The following SUGCT variants were observed in gnomAD, a reference collection of about 807,000 sequenced individuals.
The protein encoded by SUGCT is succinyl-CoA:glutarate-CoA transferase.
Under a neutral mutation model 55.0 loss-of-function variants are expected in SUGCT, and 41 were observed. The ratio of observed to expected loss-of-function variants is 0.74; its 90% CI spans 0.58 to 0.97. The LOEUF (loss-of-function observed/expected upper bound fraction) is 0.97. Among genes scored for constraint, SUGCT ranks in the 50% least tolerant of loss-of-function variants. SUGCT has a pLI of 0.00. For missense variants in SUGCT, 568 were observed against 547.8 expected (o/e 1.04, Z -0.37); for synonymous variants, 187 against 200.4 (o/e 0.93, Z 0.56).
chr7:40,975,970 G>A, the SUGCT span, among the ~76,000 whole-genome samples: 426 of 152,216 alleles, frequency 2.8e-3, 2 homozygotes, highest in African/African-American at 1.0e-2. Flanking sequence ...CCATGACCAC[G>A]TCTGTGTCAT....
chr7:40,218,173 A>G (rs1353278289), intron 6 of SUGCT, among the ~76,000 whole-genome samples: 4 of 152,218 alleles, frequency 2.6e-5, no homozygotes, highest in African/African-American at 7.2e-5. Flanking sequence ...ACACTGTGCC[A>G]CAGTGCTCCA....
At chr7:40,667,729 A>T (rs963552714) in intron 12 of SUGCT, among the ~76,000 whole-genome samples, 1 of 152,032 alleles carries the variant, frequency 6.6e-6, no homozygotes. Flanking sequence ...TTTAGTTTGT[A>T]TGCACAGAGA....
chr7:40,701,673 T>C (rs1785177322), intron 12 of SUGCT, among the ~76,000 whole-genome samples: 1 of 152,226 alleles, frequency 6.6e-6, no homozygotes, highest in African/African-American at 2.4e-5. Flanking sequence ...CTACCAAATT[T>C]TGTTTAATTA....
At chr7:40,883,395 T>C in the SUGCT span, among the ~76,000 whole-genome samples, 1 of 152,172 alleles carries the variant, frequency 6.6e-6, no homozygotes, top group African/African-American at 2.4e-5. Context: ...CGAGTTTCTT[T>C]TATTTGATCC....
chr7:40,387,083 G>A (rs917368130), intron 9 of SUGCT, among the ~76,000 whole-genome samples: 13 of 152,196 alleles, frequency 8.5e-5, no homozygotes, highest in Admixed American at 7.2e-4. Context: ...TGGTGAGGAA[G>A]CATGCAAGAC....
At chr7:40,724,340 C>T (rs1334427492) in intron 12 of SUGCT, among the ~76,000 whole-genome samples, 1 of 152,126 alleles carries the variant, frequency 6.6e-6, no homozygotes, top group Non-Finnish European at 1.5e-5. Flanking sequence ...CCAAGGCGGG[C>T]AGATGACAAG....
chr7:40,822,399 A>G (rs1439763215), intron 13 of SUGCT, among the ~76,000 whole-genome samples: 1 of 152,110 alleles, frequency 6.6e-6, no homozygotes, highest in African/African-American at 2.4e-5. Flanking sequence ...GTGGGAGTCT[A>G]AGTCTCTTTG....
chr7:40,595,644 A>C (rs964030965), intron 12 of SUGCT, among the ~76,000 whole-genome samples: 28 of 108,512 alleles, frequency 2.6e-4, no homozygotes, highest in African/African-American at 5.2e-4. Flanking sequence ...TCATGCCACA[A>C]AAAAAAAAAA....
In SUGCT at chr7:40,276,815, G is replaced by GTC. The variant is rs1201409894; in HGVS notation, c.720+2160_720+2161insCT. Among the ~76,000 whole-genome samples the GTC allele has an allele frequency of 4.3e-4, 61 of 142,538 alleles. No individual in the cohort carries two copies. The East Asian group carries it at 0.01, about 24-fold the overall frequency. 93.5% of individuals were successfully genotyped at this position (142,538 alleles called of 152,430 possible). A position where few individuals can be genotyped will look rare whatever the true frequency, so the allele number is the denominator to read the frequency against. On this transcript the variant is annotated intron_variant, in intron 8 of 13. Coordinates refer to ENST00000335693, the MANE Select transcript of SUGCT (RefSeq NM_001193313.2). ...TGTGCATGTGTGTGTGTGTGTGTGT[G>GTC]TGTGTCTGTCTGTCTGTCTGTGTCT...
chr7:40,920,198 G>A, the SUGCT span, among the ~76,000 whole-genome samples: 3 of 151,926 alleles, frequency 2.0e-5, no homozygotes, highest in Admixed American at 6.6e-5. Context: ...CTAGCTCACT[G>A]GTTAGATTGT....
chr7:40,898,150 C>A, the SUGCT span, among the ~76,000 whole-genome samples: 1 of 150,418 alleles, frequency 6.6e-6, no homozygotes, highest in East Asian at 1.9e-4. Flanking sequence ...ACCAGCTCAC[C>A]AGTAGTGATG....
At chr7:40,574,052 C>T (rs2151695163) in intron 12 of SUGCT, among the ~76,000 whole-genome samples, 1 of 152,234 alleles carries the variant, frequency 6.6e-6, no homozygotes, top group Middle Eastern at 3.4e-3. Flanking sequence ...CTGGTATGCT[C>T]ACTGTTCCCT....
At chr7:40,343,687 C>T (rs1270523799) in intron 9 of SUGCT, among the ~76,000 whole-genome samples, 3 of 151,610 alleles carry the variant, frequency 2.0e-5, no homozygotes, top group Non-Finnish European at 2.9e-5. Context: ...GATGGAGTCT[C>T]GCTCTGTCGC....
chr7:40,911,797 GA>G, the SUGCT span, among the ~76,000 whole-genome samples: 1 of 152,096 alleles, frequency 6.6e-6, no homozygotes, highest in Non-Finnish European at 1.5e-5. Context: ...AAGGAACCAT[GA>G]AAAGCAGTTT....
the SUGCT span, among the ~76,000 whole-genome samples, chr7:40,924,760 T>C: frequency 6.6e-6 from 1 of 152,212 alleles, no homozygotes; most frequent in African/African-American, 2.4e-5. Flanking sequence ...AATAATTTAA[T>C]GCTCAGATGG....
the SUGCT span, among the ~76,000 whole-genome samples, chr7:40,952,862 C>G: frequency 6.6e-6 from 1 of 152,144 alleles, no homozygotes; most frequent in Non-Finnish European, 1.5e-5. Context: ...GTAACCCAAC[C>G]TTTCTCTCTG....
the SUGCT span, among the ~76,000 whole-genome samples, chr7:40,980,777 AC>A: frequency 1.3e-5 from 2 of 151,992 alleles, no homozygotes; most frequent in African/African-American, 4.8e-5. Flanking sequence ...GCTCACTACA[AC>A]TTCTGCCTCC....
chr7:40,442,729 T>G (rs1460074428), intron 9 of SUGCT, among the ~76,000 whole-genome samples: 2 of 152,186 alleles, frequency 1.3e-5, no homozygotes, highest in African/African-American at 4.8e-5. Context: ...AAAGCTCATT[T>G]TTAAAAATTA....
intron 8 of SUGCT, among the ~76,000 whole-genome samples, chr7:40,309,942 T>G (rs140804204): frequency 1.4e-5 from 2 of 147,208 alleles, no homozygotes; most frequent in East Asian, 4.0e-4. Flanking sequence ...AATGATTGAA[T>G]AAATAAATAA....
Sources: allele counts gnomAD v4.1 joint callset (sites outside exome capture counted in the v4.1 genomes callset), GRCh38; gene constraint gnomAD v4.1.1; transcripts MANE v1.5; gene names NCBI Gene and HGNC (gene_info 2026-07-23, HGNC 2026-07-21).